Variants in CADM2 observed in about 807,000 individuals in gnomAD.
CADM2 encodes the protein cell adhesion molecule 2.
A neutral mutation model predicts 49.8 loss-of-function variants in CADM2; 12 were observed. The ratio of observed to expected loss-of-function variants is 0.24; its 90% confidence interval spans 0.15 to 0.39. The LOEUF is 0.39. CADM2 is among the 10% of genes least tolerant of loss of function. The pLI is 1.00. For missense variants in CADM2, 378 were observed against 492.3 expected (o/e 0.77, Z 2.20); for synonymous variants, 214 against 175.4 (o/e 1.22, Z -1.74).
intron 1 of CADM2, among the ~76,000 whole-genome samples, chr3:85,196,587 A>G (rs1384617025): frequency 6.6e-6 from 1 of 152,018 alleles, no homozygotes; most frequent in Non-Finnish European, 1.5e-5. Flanking sequence ...GATTTATTCT[A>G]GAAAAGATAA....
intron 1 of CADM2, among the ~76,000 whole-genome samples, chr3:85,335,723 G>A (rs2045062808): frequency 2.0e-5 from 3 of 151,410 alleles, no homozygotes; most frequent in African/African-American, 7.3e-5. Context: ...TGAGATGATT[G>A]TCTATTCATA....
At chr3:85,046,320 CTTT>C (rs924286569) in intron 1 of CADM2, among the ~76,000 whole-genome samples, 7 of 122,828 alleles carry the variant, frequency 5.7e-5, no homozygotes, top group Admixed American at 1.7e-4. Context: ...TTACAATTTT[CTTT>C]TTTTTTTTTT....
At chr3:85,939,807 G>T (rs1721638353) in intron 7 of CADM2, among the ~76,000 whole-genome samples, 1 of 146,628 alleles carries the variant, frequency 6.8e-6, no homozygotes, top group Non-Finnish European at 1.5e-5. Flanking sequence ...CATAAATCTA[G>T]TATGCATAAT....
At position 85,511,927 on chromosome 3, in the gene CADM2, A is replaced by G. The variant is rs531097649; in HGVS notation, c.62-214595A>G. On this transcript the variant is annotated intron_variant, in intron 1 of 9. Transcript: ENST00000383699. ...AAACAAGAAAAAGTGGTGAAATTAT[A>G]TCTTATAGCAATGTTCAATATATAA... 3.3e-6 allele frequency: 3 copies of G among 909,518 alleles called. No individual in the cohort carries two copies. In the South Asian group the frequency reaches 1.5e-4, roughly 46 times the overall value. 56.3% of individuals were successfully genotyped at this position (909,518 alleles called of 1,614,324 possible).
intron 8 of CADM2, chr3:86,015,068 T>C (rs1732043128): frequency 4.4e-6 from 3 of 685,608 alleles, no homozygotes; most frequent in Admixed American, 2.5e-5. Flanking sequence ...TTAAACCCTA[T>C]ACAAGTAAGT....
chr3:84,968,129 A>G (rs2031151604), intron 1 of CADM2, among the ~76,000 whole-genome samples: 1 of 151,944 alleles, frequency 6.6e-6, no homozygotes, highest in South Asian at 2.1e-4. Context: ...TAAATCATCT[A>G]TTCAAGGGCT....
intron 1 of CADM2, among the ~76,000 whole-genome samples, chr3:85,204,672 G>C (rs1039795646): frequency 6.6e-6 from 1 of 151,982 alleles, no homozygotes; most frequent in Non-Finnish European, 1.5e-5. Flanking sequence ...CAAATTTAAC[G>C]TATATCTAGA....
chr3:86,068,098 A>G lies in CADM2; in HGVS notation c.*1315A>G, dbSNP rs755251695. On this transcript the variant is annotated 3_prime_UTR_variant, in exon 10 of 10. Transcript: ENST00000383699. ...TGTTTAAGATATGTTTTCTGTATAAATGAACTAATTCTTTATATTAAATTC... is the reference window on the plus strand; with the variant it reads ...TGTTTAAGATATGTTTTCTGTATAAGTGAACTAATTCTTTATATTAAATTC... 1 of 152,460 alleles carries G rather than the reference A, an allele frequency of 6.6e-6. No individual in the cohort carries two copies. The highest frequency in any genetic ancestry group is 2.4e-5 in the African/African-American group (1 of 41,450). 9.4% of individuals were successfully genotyped at this position (152,460 alleles called of 1,614,324 possible).
At chr3:85,207,050 ATGTG>A (rs3085116) in intron 1 of CADM2, among the ~76,000 whole-genome samples, 4,962 of 144,922 alleles carry the variant, frequency 0.034, 92 homozygotes, top group East Asian at 0.074. Flanking sequence ...GAAGAAATAA[ATGTG>A]TGTGTGTGTG....
intron 2 of CADM2, among the ~76,000 whole-genome samples, chr3:85,799,529 C>T (rs748662423): frequency 5.3e-5 from 8 of 152,128 alleles, no homozygotes; most frequent in Non-Finnish European, 8.8e-5. Context: ...TTGAGATAAT[C>T]ATGTGGTTTT....
At chr3:85,824,648 A>C (rs558929255) in intron 3 of CADM2, among the ~76,000 whole-genome samples, 65 of 152,098 alleles carry the variant, frequency 4.3e-4, no homozygotes, top group African/African-American at 1.5e-3. Context: ...GTAATGTTTA[A>C]ATTGTTCAAA....
chr3:85,947,899 C>T (rs1722937873), intron 7 of CADM2, among the ~76,000 whole-genome samples: 1 of 151,412 alleles, frequency 6.6e-6, no homozygotes, highest in Admixed American at 6.6e-5. Flanking sequence ...ACTTTTTGAA[C>T]ATTTCCAGGT....
intron 6 of CADM2, among the ~76,000 whole-genome samples, chr3:85,928,350 C>A (rs1312583950): frequency 6.6e-6 from 1 of 151,726 alleles, no homozygotes; most frequent in Non-Finnish European, 1.5e-5. Context: ...GTAGAGACGG[C>A]GTTTCACCAT....
At chr3:85,741,299 T>A (rs1394061290) in intron 2 of CADM2, among the ~76,000 whole-genome samples, 1 of 151,492 alleles carries the variant, frequency 6.6e-6, no homozygotes, top group African/African-American at 2.4e-5. Flanking sequence ...GCAAAGTCAC[T>A]CACTCCTGTC....
At chr3:85,588,589 A>C (rs1389721009) in intron 1 of CADM2, among the ~76,000 whole-genome samples, 1 of 152,178 alleles carries the variant, frequency 6.6e-6, no homozygotes, top group East Asian at 1.9e-4. Flanking sequence ...CTGCTGCAAA[A>C]TTGTCTGTTT....
At chr3:85,171,634 A>G (rs144668165) in intron 1 of CADM2, among the ~76,000 whole-genome samples, 34 of 152,258 alleles carry the variant, frequency 2.2e-4, no homozygotes, top group African/African-American at 7.9e-4. Flanking sequence ...TTAATTGTCT[A>G]TATTTTGTTC....
chr3:85,108,556 T>C (rs1335927450), intron 1 of CADM2, among the ~76,000 whole-genome samples: 3 of 152,056 alleles, frequency 2.0e-5, no homozygotes, highest in South Asian at 4.2e-4. Context: ...GAGTTTCAGT[T>C]TGAGATGACA....
intron 2 of CADM2, among the ~76,000 whole-genome samples, chr3:85,791,544 A>AG (rs2071330706): frequency 4.3e-4 from 43 of 99,956 alleles, no homozygotes; most frequent in South Asian, 1.2e-3. Flanking sequence ...GAGAGAGAGA[A>AG]AGAGAGAGAG....
At position 85,658,578 on chromosome 3, in the gene CADM2, A is replaced by G. The variant is rs1046218913; in HGVS notation, c.62-67944A>G. ...CTATAAATATATTGGATATATGTGT[A>G]TATATATATATATATATATATATAT... On this transcript the variant is annotated intron_variant, in intron 1 of 9. Coordinates refer to ENST00000383699, the MANE Select transcript of CADM2 (RefSeq NM_001167675.2). Among the ~76,000 whole-genome samples, 351 of 41,438 alleles carry G rather than the reference A, an allele frequency of 8.5e-3. 1 individual carries two copies. The highest frequency in any genetic ancestry group is 0.025 in the African/African-American group (216 of 8,580). The allele number at this position is 41,438 out of a possible 152,430, so 27.2% of individuals were successfully genotyped here.
Sources: gnomAD v4.1 joint callset for allele counts (sites outside exome capture counted in the v4.1 genomes callset) on GRCh38, gnomAD v4.1.1 for gene constraint, MANE v1.5 for transcripts, NCBI Gene and HGNC (gene_info 2026-07-23, HGNC 2026-07-21) for gene names.